The following PPP2R2B variants were observed in gnomAD, a reference collection of about 807,000 sequenced individuals.
PPP2R2B encodes the protein protein phosphatase 2 regulatory subunit Bbeta, also known as serine/threonine-protein phosphatase 2A 55 kDa regulatory subunit B beta isoform.
A neutral mutation model predicts 46.0 loss-of-function variants in PPP2R2B; 5 were observed. The ratio of observed to expected loss-of-function variants is 0.11; its 90% CI spans 0.06 to 0.23. The LOEUF is 0.23. PPP2R2B is among the 10% of genes least tolerant of loss of function. The pLI is 1.00. For synonymous variants in PPP2R2B, 215 were observed against 206.7 expected, an observed-to-expected ratio of 1.04 and a Z score of -0.34; for missense variants, 367 against 575.0, an observed-to-expected ratio of 0.64 and a Z score of 3.70.
intron 5 of PPP2R2B, among the ~76,000 whole-genome samples, chr5:146,662,706 G>C (rs1213980581): frequency 6.6e-6 from 1 of 152,006 alleles, no homozygotes; most frequent in African/African-American, 2.4e-5. Context: ...GTTCTATACT[G>C]ATTGAAGGTT....
At chr5:146,742,081 C>G (rs571080703) in intron 2 of PPP2R2B, among the ~76,000 whole-genome samples, 1 of 152,154 alleles carries the variant, frequency 6.6e-6, no homozygotes, top group African/African-American at 2.4e-5. Context: ...CACGTTCTTA[C>G]AAAGGAAAAT....
intron 5 of PPP2R2B, among the ~76,000 whole-genome samples, chr5:146,655,310 T>C (rs539893166): frequency 1.3e-5 from 2 of 152,134 alleles, no homozygotes; most frequent in African/African-American, 4.8e-5. Flanking sequence ...CAGAGATATA[T>C]TTCAGTTGTA....
rs1561616414 is a variant in PPP2R2B at position 147,077,305 on chromosome 5, CA to C, written c.50+3753del. 3.8e-3 allele frequency among the ~76,000 whole-genome samples: 550 copies of C among 143,042 alleles called. 2 individuals carry two copies. Among genetic ancestry groups the C allele is most frequent in the African/African-American group, 0.011 (397 of 34,942 alleles). 93.8% of individuals were successfully genotyped at this position (143,042 alleles called of 152,430 possible). On this transcript the variant is annotated intron_variant, in intron 2 of 10. Coordinates refer to the PPP2R2B transcript ENST00000394413. ...ACACACACACACACACACACACACA[CA>C]CACACCCACACCCACACCCCTAGCC...
chr5:146,874,457 T>G (rs1761785302), intron 2 of PPP2R2B, among the ~76,000 whole-genome samples: 1 of 152,202 alleles, frequency 6.6e-6, no homozygotes, highest in Non-Finnish European at 1.5e-5. Flanking sequence ...GGAAGTACAT[T>G]AAGTAACAAT....
intron 2 of PPP2R2B, among the ~76,000 whole-genome samples, chr5:147,063,138 A>G (rs1757316600): frequency 6.6e-6 from 1 of 152,024 alleles, no homozygotes; most frequent in Admixed American, 6.6e-5. Flanking sequence ...AAATATATAA[A>G]TATTACAGAA....
At chr5:146,602,380 A>G (rs111289099) in intron 7 of PPP2R2B, among the ~76,000 whole-genome samples, 279 of 152,342 alleles carry the variant, frequency 1.8e-3, no homozygotes, top group African/African-American at 6.4e-3. Context: ...AAATTAACAG[A>G]TTCTTTGCCT....
chr5:146,812,816 TATATATATATATACAC>T lies in PPP2R2B; in HGVS notation c.70+65170_70+65185del, dbSNP rs1561927763. On this transcript the variant is annotated intron_variant, in intron 2 of 9. Transcript: ENST00000394411. Reference sequence around the variant, plus strand: ...GTGTATATATATATATATATATATATATATATATATATACACACACATTTCCATTATAAAACCATCA... The same window carrying T: ...GTGTATATATATATATATATATATATACACATTTCCATTATAAAACCATCA... Among the ~76,000 whole-genome samples the T allele has an allele frequency of 1.8e-3, 109 of 59,350 alleles. 5 individuals carry two copies. Among genetic ancestry groups the T allele is most frequent in the African/African-American group, 9.1e-3 (104 of 11,444 alleles). The allele number at this position is 59,350 out of a possible 152,430, so 38.9% of individuals were successfully genotyped here. A position where few individuals can be genotyped will look rare whatever the true frequency, so the allele number is the denominator to read the frequency against.
intron 6 of PPP2R2B, among the ~76,000 whole-genome samples, chr5:146,641,145 C>T (rs1015211284): frequency 6.6e-6 from 1 of 152,136 alleles, no homozygotes; most frequent in East Asian, 1.9e-4. Flanking sequence ...ATGTGTTGTC[C>T]CCCTTGCCCC....
chr5:146,692,073 G>A (rs143038728), intron 4 of PPP2R2B, among the ~76,000 whole-genome samples: 309 of 152,212 alleles, frequency 2.0e-3, no homozygotes, highest in Middle Eastern at 3.4e-3. Context: ...TCTTTCACTA[G>A]AGTGTAAAAT....
intron 1 of PPP2R2B, among the ~76,000 whole-genome samples, chr5:146,977,516 C>T (rs1363597985): frequency 6.6e-6 from 1 of 152,120 alleles, no homozygotes; most frequent in South Asian, 2.1e-4. Context: ...CGCATGCTAT[C>T]CCTCCCCTAG....
intron 2 of PPP2R2B, among the ~76,000 whole-genome samples, chr5:146,702,014 C>T (rs1051629175): frequency 6.1e-4 from 92 of 151,078 alleles, no homozygotes; most frequent in African/African-American, 2.1e-3. Flanking sequence ...CAATTATTCC[C>T]CTGCAGGGCT....
intron 4 of PPP2R2B, among the ~76,000 whole-genome samples, chr5:146,691,561 G>A (rs1419152904): frequency 2.0e-5 from 3 of 152,110 alleles, no homozygotes; most frequent in East Asian, 1.9e-4. Context: ...CATACACAGA[G>A]CTTACAATGT....
chr5:146,834,856 A>C (rs984626200), intron 2 of PPP2R2B, among the ~76,000 whole-genome samples: 1 of 152,146 alleles, frequency 6.6e-6, no homozygotes, highest in Non-Finnish European at 1.5e-5. Context: ...AGCTCCACTT[A>C]TAAGTAAGAA....
intron 1 of PPP2R2B, among the ~76,000 whole-genome samples, chr5:146,979,345 A>G (rs1034353409): frequency 6.6e-6 from 1 of 152,052 alleles, no homozygotes; most frequent in African/African-American, 2.4e-5. Context: ...AGAATTCATC[A>G]TTTTATAAAA....
chr5:147,024,669 C>A (rs560011229), intron 1 of PPP2R2B, among the ~76,000 whole-genome samples: 3 of 152,008 alleles, frequency 2.0e-5, no homozygotes, highest in Non-Finnish European at 2.9e-5. Flanking sequence ...AAAAATAGAG[C>A]TGGAATGTCC....
upstream of PPP2R2B, among the ~76,000 whole-genome samples, chr5:147,060,251 A>G (rs983904535): frequency 3.9e-5 from 6 of 152,156 alleles, no homozygotes. Context: ...CTCGTTCATT[A>G]TTGAGCATAT....
chr5:146,676,946 G>A (rs903694541), intron 5 of PPP2R2B, among the ~76,000 whole-genome samples: 7 of 152,162 alleles, frequency 4.6e-5, no homozygotes, highest in African/African-American at 9.6e-5. Flanking sequence ...GTCCATCTGC[G>A]TAAAGGATTT....
At chr5:146,744,366 C>A (rs902590378) in intron 2 of PPP2R2B, among the ~76,000 whole-genome samples, 6 of 152,294 alleles carry the variant, frequency 3.9e-5, no homozygotes, top group African/African-American at 1.2e-4. Flanking sequence ...TTGAGGAAAT[C>A]ATCATTTTTG....
intron 2 of PPP2R2B, among the ~76,000 whole-genome samples, chr5:146,710,588 G>A (rs1180044961): frequency 6.6e-6 from 1 of 152,228 alleles, no homozygotes; most frequent in South Asian, 2.1e-4. Context: ...GTCCAGACTT[G>A]CCTACATGCC....
Sources: allele counts gnomAD v4.1 joint callset (sites outside exome capture counted in the v4.1 genomes callset), GRCh38; gene constraint gnomAD v4.1.1; transcripts MANE v1.5; gene names NCBI Gene and HGNC (gene_info 2026-07-23, HGNC 2026-07-21).